The following LSAMP variants were observed in gnomAD, a reference collection of about 807,000 sequenced individuals.
LSAMP encodes limbic system-associated membrane protein.
Under a neutral mutation model 38.6 loss-of-function variants are expected in LSAMP, and 7 were observed. The ratio of observed to expected loss-of-function variants is 0.18; its 90% CI spans 0.10 to 0.34. The LOEUF (loss-of-function observed/expected upper bound fraction) is 0.34, where lower values mean the gene tolerates loss of function less well. LSAMP is among the 10% of genes least tolerant of loss of function. The probability of loss-of-function intolerance (pLI) is 1.00; values close to 1 mark genes in which losing one functional copy is unlikely to be tolerated. For synonymous variants in LSAMP, 154 were observed against 166.8 expected (o/e 0.92, Z 0.59); for missense variants, 313 against 420.0 (o/e 0.75, Z 2.23).
intron 1 of LSAMP, among the ~76,000 whole-genome samples, chr3:116,114,197 C>T (rs1352036009): frequency 1.3e-5 from 2 of 152,204 alleles, no homozygotes; most frequent in East Asian, 1.9e-4. Flanking sequence ...GCACCCCATG[C>T]TCCCTTCTTT....
At chr3:115,908,308 C>G (rs535982190) in intron 3 of LSAMP, among the ~76,000 whole-genome samples, 155 of 152,130 alleles carry the variant, frequency 1.0e-3, no homozygotes, top group Non-Finnish European at 1.9e-3. Context: ...TTAGTTTACC[C>G]TAAACTTTAC....
chr3:116,007,601 A>G (rs531499223), intron 3 of LSAMP, among the ~76,000 whole-genome samples: 1 of 152,312 alleles, frequency 6.6e-6, no homozygotes, highest in African/African-American at 2.4e-5. Flanking sequence ...CTCTTCATCT[A>G]AAGTGACAGA....
At chr3:115,860,920 G>A (rs1383205863) in intron 3 of LSAMP, among the ~76,000 whole-genome samples, 1 of 152,132 alleles carries the variant, frequency 6.6e-6, no homozygotes, top group Non-Finnish European at 1.5e-5. Context: ...GGATGTGACG[G>A]GTGGTTTGAG....
At chr3:115,924,239 C>T (rs1244524405) in intron 3 of LSAMP, among the ~76,000 whole-genome samples, 1 of 152,150 alleles carries the variant, frequency 6.6e-6, no homozygotes. Context: ...ACCATTTGTG[C>T]AGCCTTATTC....
chr3:116,191,825 G>A (rs923511908), intron 1 of LSAMP, among the ~76,000 whole-genome samples: 9 of 151,892 alleles, frequency 5.9e-5, no homozygotes, highest in African/African-American at 2.2e-4. Context: ...AATAATAAAT[G>A]TTAAAAATGT....
intron 1 of LSAMP, among the ~76,000 whole-genome samples, chr3:116,265,400 TCTTTTTGACAATGTAGTAA>T (rs1343660109): frequency 6.6e-6 from 1 of 152,212 alleles, no homozygotes; most frequent in Non-Finnish European, 1.5e-5. Flanking sequence ...TTTACATCTA[TCTTTTTGACAATGTAGTAA>T]CTTTTCAAAT....
At chr3:116,247,450 AG>A (rs1388369077) in intron 1 of LSAMP, among the ~76,000 whole-genome samples, 3 of 152,252 alleles carry the variant, frequency 2.0e-5, no homozygotes, top group Non-Finnish European at 2.9e-5. Context: ...AGACTGAAAA[AG>A]TATTTAAGAA....
chr3:116,400,366 C>T (rs1291215229), intron 1 of LSAMP, among the ~76,000 whole-genome samples: 6 of 151,914 alleles, frequency 3.9e-5, no homozygotes, highest in Non-Finnish European at 1.5e-5. Context: ...TTTCTTTCTT[C>T]CTTCCTTTTT....
chr3:116,414,156 T>A (rs2049017741), intron 1 of LSAMP, among the ~76,000 whole-genome samples: 1 of 152,116 alleles, frequency 6.6e-6, no homozygotes, highest in African/African-American at 2.4e-5. Flanking sequence ...TTTTGGGGAA[T>A]TTATATTTTT....
chr3:116,340,460 CA>C (rs1204378129), intron 1 of LSAMP, among the ~76,000 whole-genome samples: 1 of 151,872 alleles, frequency 6.6e-6, no homozygotes, highest in Non-Finnish European at 1.5e-5. Context: ...TTGTGTCAAA[CA>C]AATCTCAAGA....
At chr3:115,861,711 A>G (rs1935708147) in intron 3 of LSAMP, among the ~76,000 whole-genome samples, 1 of 152,144 alleles carries the variant, frequency 6.6e-6, no homozygotes, top group South Asian at 2.1e-4. Context: ...CTTATTTTGG[A>G]GTGAAGATAA....
At chr3:116,130,168 C>G (rs1279352254) in intron 1 of LSAMP, among the ~76,000 whole-genome samples, 2 of 152,148 alleles carry the variant, frequency 1.3e-5, no homozygotes, top group African/African-American at 2.4e-5. Flanking sequence ...ACCTGACTTT[C>G]TCTTTTCCTT....
At chr3:116,220,927 G>A (rs1204360455) in intron 1 of LSAMP, among the ~76,000 whole-genome samples, 4 of 152,142 alleles carry the variant, frequency 2.6e-5, no homozygotes, top group African/African-American at 9.6e-5. Flanking sequence ...GGCCGGGGCA[G>A]GCGGATCACG....
chr3:116,011,998 TAAA>T (rs756127207), intron 3 of LSAMP, among the ~76,000 whole-genome samples: 2 of 152,178 alleles, frequency 1.3e-5, no homozygotes, highest in Non-Finnish European at 2.9e-5. Context: ...CTGACATCCA[TAAA>T]CAACATTGGA....
chr3:116,400,622 G>A (rs2048827081), intron 1 of LSAMP, among the ~76,000 whole-genome samples: 1 of 151,932 alleles, frequency 6.6e-6, no homozygotes, highest in Non-Finnish European at 1.5e-5. Flanking sequence ...GAATTACAGG[G>A]AACTGCCACC....
intron 3 of LSAMP, among the ~76,000 whole-genome samples, chr3:115,988,871 A>T (rs960388989): frequency 1.3e-5 from 2 of 152,068 alleles, no homozygotes; most frequent in African/African-American, 4.8e-5. Context: ...TCTCTTTCCC[A>T]TATTGTTATG....
In LSAMP at chr3:116,282,875, T is replaced by TG. The variant is rs1167696666; in HGVS notation, c.155+162001dup. Among the ~76,000 whole-genome samples, 22 of 152,022 alleles carry TG rather than the reference T, an allele frequency of 1.4e-4. 1 individual carries two copies. The highest frequency in any genetic ancestry group is 7.4e-5 in the Non-Finnish European group (5 of 68,024). The stretch of plus-strand genomic sequence containing the variant: ...CAAACCTGAGGCAAATTCATGAAAC[T>TG]GCTGTGCTCCTTGTCAGTGTCCTTC... On this transcript the variant is annotated intron_variant, in intron 1 of 6. Coordinates refer to ENST00000490035, the MANE Select transcript of LSAMP (RefSeq NM_002338.5).
chr3:116,151,243 T>C (rs1709602506), intron 1 of LSAMP, among the ~76,000 whole-genome samples: 1 of 152,052 alleles, frequency 6.6e-6, no homozygotes, highest in Non-Finnish European at 1.5e-5. Flanking sequence ...AGAGAAATGA[T>C]GCACAGAGTG....
chr3:115,971,746 G>A (rs1311967593), intron 3 of LSAMP, among the ~76,000 whole-genome samples: 1 of 152,024 alleles, frequency 6.6e-6, no homozygotes, highest in Non-Finnish European at 1.5e-5. Context: ...AACATTAATT[G>A]ATTATACCTA....
Sources: gnomAD v4.1 joint callset for allele counts (sites outside exome capture counted in the v4.1 genomes callset) on GRCh38, gnomAD v4.1.1 for gene constraint, MANE v1.5 for transcripts, NCBI Gene and HGNC (gene_info 2026-07-23, HGNC 2026-07-21) for gene names.